DNAH11: variants seen among roughly 807,000 people sequenced by gnomAD.
DNAH11 encodes dynein axonemal heavy chain 11.
Under a neutral mutation model 526.0 loss-of-function variants are expected in DNAH11, and 442 were observed. The ratio of observed to expected loss-of-function variants is 0.84; its 90% CI spans 0.78 to 0.91. The LOEUF is 0.91. Among genes scored for constraint, DNAH11 ranks in the 40% least tolerant of loss-of-function variants. The probability of loss-of-function intolerance (pLI) is 0.00; values close to 1 mark genes in which losing one functional copy is unlikely to be tolerated. For missense variants in DNAH11, 6,989 were observed against 5,448.7 expected (o/e 1.28, Z -8.90); for synonymous variants, 2,461 against 1,935.9 (o/e 1.27, Z -7.12).
intron 20 of DNAH11, among the ~76,000 whole-genome samples, chr7:21,614,215 A>G (rs945194584): frequency 1.7e-4 from 26 of 152,228 alleles, no homozygotes; most frequent in Admixed American, 1.6e-3. Context: ...AAGTAATACA[A>G]TTGTTGGATC....
At chr7:21,877,334 T>C (rs1308964846) in intron 74 of DNAH11, among the ~76,000 whole-genome samples, 1 of 152,174 alleles carries the variant, frequency 6.6e-6, no homozygotes, top group Admixed American at 6.5e-5. Context: ...CTCAGCCTCC[T>C]GAGTAGCTGG....
chr7:21,900,676 C>T (rs140281180), intron 81 of DNAH11, among the ~76,000 whole-genome samples: 114 of 152,154 alleles, frequency 7.5e-4, no homozygotes, highest in African/African-American at 1.9e-3. Context: ...TAAGGTGCGA[C>T]GGGGAGGAAA....
chr7:21,661,062 G>A (rs1216179941), intron 30 of DNAH11, among the ~76,000 whole-genome samples: 4 of 151,982 alleles, frequency 2.6e-5, no homozygotes, highest in East Asian at 1.9e-4. Flanking sequence ...CTCCACTCAG[G>A]CACTTACATT....
chr7:21,672,934 T>A lies in DNAH11; in HGVS notation c.5329-8612T>A, dbSNP rs920397861. Among the ~76,000 whole-genome samples, 7 of 152,308 alleles carry A rather than the reference T, an allele frequency of 4.6e-5. No individual in the cohort carries two copies. The East Asian group carries it at 5.8e-4, about 13-fold the overall frequency. ...GTCCTACATGGTGAACCCACTGTCA[T>A]CCTACCAAGCTCGCTGGCCCTCTTT... On this transcript the variant is annotated intron_variant, in intron 30 of 81. Transcript: ENST00000409508.
intron 54 of DNAH11, among the ~76,000 whole-genome samples, chr7:21,752,807 G>A (rs568958786): frequency 3.2e-4 from 49 of 152,196 alleles, no homozygotes; most frequent in Middle Eastern, 6.8e-3. Context: ...CTGCCTCCTG[G>A]GTTCAAGCAA....
At chr7:21,660,132 G>T (rs190015692) in intron 30 of DNAH11, among the ~76,000 whole-genome samples, 18 of 152,136 alleles carry the variant, frequency 1.2e-4, no homozygotes, top group Non-Finnish European at 2.2e-4. Flanking sequence ...CCACTTGGAT[G>T]CTGAAGCTGA....
At chr7:21,711,958 G>C in intron 42 of DNAH11, 98 bp downstream of exon 42, 1 of 1,366,142 alleles carries the variant, frequency 7.3e-7, no homozygotes, top group Non-Finnish European at 1.0e-6. Context: ...TTGTTGCACA[G>C]CTGTCACCAC....
At chr7:21,583,326 A>G (rs527529606) in intron 9 of DNAH11, among the ~76,000 whole-genome samples, 26 of 146,254 alleles carry the variant, frequency 1.8e-4, no homozygotes, top group Non-Finnish European at 3.1e-4. Context: ...TGACAAAAAC[A>G]AGCAATGGGG....
chr7:21,852,404 CTAAAAAAAAA>C, intron 66 of DNAH11, 53 bp from the exon 67 acceptor site: 1 of 742,218 alleles, frequency 1.3e-6, no homozygotes, highest in Non-Finnish European at 2.0e-6. Flanking sequence ...AAGACTTCCT[CTAAAAAAAAA>C]AAAAAAAAAG....
chr7:21,643,898 T>A (rs945589006), intron 28 of DNAH11, among the ~76,000 whole-genome samples: 2 of 152,220 alleles, frequency 1.3e-5, no homozygotes, highest in Admixed American at 6.5e-5. Flanking sequence ...ACATTAAAAT[T>A]AATTTCACCT....
In DNAH11 at chr7:21,868,802, T is replaced by G. The variant is rs990109367; in HGVS notation, c.11840-62T>G. Reference sequence around the variant, plus strand: ...ACAGATGTGCATTAGACCACAGAATTCCAGGCTCCTCTCACCCTCCTTCAT... The same window carrying G: ...ACAGATGTGCATTAGACCACAGAATGCCAGGCTCCTCTCACCCTCCTTCAT... On this transcript the variant is annotated intron_variant, in intron 72 of 81. Coordinates refer to ENST00000409508, the MANE Select transcript of DNAH11 (RefSeq NM_001277115.2). The G allele has an allele frequency of 1.9e-6, 3 of 1,603,264 alleles. No individual in the cohort carries two copies. The African/African-American group carries it at 4.0e-5, about 22-fold the overall frequency.
At chr7:21,777,922 T>G (rs1450634533) in intron 56 of DNAH11, among the ~76,000 whole-genome samples, 1 of 152,202 alleles carries the variant, frequency 6.6e-6, no homozygotes, top group Non-Finnish European at 1.5e-5. Context: ...ACCACTGAAA[T>G]GTCTTTAGCA....
intron 30 of DNAH11, among the ~76,000 whole-genome samples, chr7:21,675,884 G>C (rs1402728552): frequency 6.9e-6 from 1 of 145,098 alleles, no homozygotes; most frequent in African/African-American, 2.9e-5. Context: ...TAAATAGATA[G>C]GGGGTAATAG....
chr7:21,867,533 G>A (rs1172164638), intron 71 of DNAH11, among the ~76,000 whole-genome samples: 1 of 152,118 alleles, frequency 6.6e-6, no homozygotes, highest in Non-Finnish European at 1.5e-5. Context: ...CTAATGAACT[G>A]TTAATAAGTA....
chr7:21,619,252 C>T (rs1213797778), intron 24 of DNAH11, 30 bp downstream of exon 24: 1 of 1,597,938 alleles, frequency 6.3e-7, no homozygotes, highest in Non-Finnish European at 8.5e-7. Flanking sequence ...GTCATTTCTA[C>T]TTGGCTAATT....
At position 21,606,760 on chromosome 7, in the gene DNAH11, T is replaced by A. The variant is rs1785304507; in HGVS notation, c.3852+27T>A. On this transcript the variant is annotated intron_variant, in intron 20 of 81. Transcript: ENST00000409508. ...TAATACAGATCTCAAATATCCTGTG[T>A]GCATTAAAATAGCTACTTTAAAAAA... 7 of 1,544,590 alleles carry A rather than the reference T, an allele frequency of 4.5e-6. No individual in the cohort carries two copies. In the Admixed American group the frequency reaches 1.1e-4, roughly 24 times the overall value.
intron 2 of DNAH11, among the ~76,000 whole-genome samples, chr7:21,547,555 T>C (rs1036437560): frequency 2.6e-5 from 4 of 152,148 alleles, no homozygotes; most frequent in African/African-American, 9.6e-5. Context: ...TGCCTGGACA[T>C]ATGCCCCTTA....
Position 21,619,222 on chromosome 7 carries a change from G to C in DNAH11, c.4377G>C (p.Lys1459Asn). ...DKAVKELGTE[K>N]VITEISQTWA... ...CGGTGAAAGAGCTGGGGACTGAGAA[G>C]GTAGTGTCCTCGGGACTGGGTCATT... Residue 1459 changes from lysine (K) to asparagine (N), a missense_variant and splice_region_variant, in exon 24 of 82, where the codon AAG (lysine) becomes AAC (asparagine). Transcript: ENST00000409508. The C allele has an allele frequency of 6.2e-7, 1 of 1,612,594 alleles. No homozygotes were observed. The highest frequency in any genetic ancestry group is 1.3e-5 in the African/African-American group (1 of 75,004).
intron 61 of DNAH11, among the ~76,000 whole-genome samples, chr7:21,790,396 G>A (rs535124203): frequency 1.3e-5 from 2 of 152,150 alleles, no homozygotes; most frequent in Non-Finnish European, 2.9e-5. Context: ...CTTGCAGTGA[G>A]CCAAGATCAC....
Sources: gnomAD v4.1 joint callset for allele counts (sites outside exome capture counted in the v4.1 genomes callset) on GRCh38, gnomAD v4.1.1 for gene constraint, MANE v1.5 for transcripts, NCBI Gene and HGNC (gene_info 2026-07-23, HGNC 2026-07-21) for gene names.